The following RIPK2 variants were observed in gnomAD, a reference collection of about 807,000 sequenced individuals.
The protein encoded by RIPK2 is receptor-interacting serine/threonine-protein kinase 2.
RIPK2 carries 38 observed loss-of-function variants against 60.9 expected under a neutral mutation model. That is an observed-to-expected ratio of 0.62 (90% confidence interval 0.48 to 0.82). The LOEUF (loss-of-function observed/expected upper bound fraction) is 0.82, where lower values mean the gene tolerates loss of function less well. Ranked by LOEUF, RIPK2 falls within the 40% of genes least tolerant of loss-of-function variation. The probability of loss-of-function intolerance (pLI) is 0.00; values close to 1 mark genes in which losing one functional copy is unlikely to be tolerated. For missense variants in RIPK2, 518 were observed against 647.0 expected (o/e 0.80, Z 2.16); for synonymous variants, 225 against 223.4 (o/e 1.01, Z -0.06).
At chr8:89,789,936 C>T (rs1809648660) in intron 10 of RIPK2, 143 bp from the exon 11 acceptor site, 1 of 580,730 alleles carries the variant, frequency 1.7e-6, no homozygotes, top group African/African-American at 1.9e-5. Context: ...AAAATGACAC[C>T]ATTCCCCAAA....
chr8:89,780,031 T>TA (rs1809472233), intron 6 of RIPK2, 44 bp from the exon 7 acceptor site: 1 of 965,218 alleles, frequency 1.0e-6, no homozygotes. Context: ...CTTTAATACT[T>TA]AGAAGCAATC....
At chr8:89,765,549 T>C in intron 3 of RIPK2, 53 bp downstream of exon 3, 1 of 1,246,526 alleles carries the variant, frequency 8.0e-7, no homozygotes, top group Non-Finnish European at 1.1e-6. Context: ...GTTTTAAAAA[T>C]ACTTTTTAGT....
chr8:89,776,552 C>T (rs2130568078), intron 6 of RIPK2, among the ~76,000 whole-genome samples: 1 of 152,314 alleles, frequency 6.6e-6, no homozygotes, highest in African/African-American at 2.4e-5. Context: ...GATAAATCCA[C>T]TATATACTTG....
chr8:89,780,897 C>T (rs1024398060), intron 7 of RIPK2: 3 of 149,916 alleles, frequency 2.0e-5, no homozygotes, highest in African/African-American at 7.4e-5. Flanking sequence ...AATACTCAGT[C>T]TGATTCTTGT....
chr8:89,772,774 T>C lies in RIPK2; in HGVS notation c.799T>C (p.Ser267Pro), dbSNP rs1428536421. Reference protein sequence around the residue: ...YDIPHRARMISLIESGWAQNP... With the variant: ...YDIPHRARMIPLIESGWAQNP... ...TATACCTCACCGAGCACGTATGATC[T>C]CTCTAATAGAAAGTGGATGGGCACA... The change falls in exon 6 of 11, where the codon TCT becomes CCT. Residue 267 changes from serine to proline, a missense_variant. Transcript: ENST00000220751. The C allele has an allele frequency of 6.2e-7, 1 of 1,610,978 alleles. No homozygotes were observed. The highest frequency in any genetic ancestry group is 8.5e-7 in the Non-Finnish European group (1 of 1,178,400).
chr8:89,784,630 T>C (rs920690143), intron 8 of RIPK2, among the ~76,000 whole-genome samples: 2 of 152,200 alleles, frequency 1.3e-5, no homozygotes, highest in Non-Finnish European at 2.9e-5. Flanking sequence ...AAAAGTAACA[T>C]AGATTGAGCA....
chr8:89,762,189 A>G (rs1425428414), intron 1 of RIPK2, among the ~76,000 whole-genome samples: 1 of 152,098 alleles, frequency 6.6e-6, no homozygotes, highest in African/African-American at 2.4e-5. Flanking sequence ...TAGAAAAAAA[A>G]ATAGTTAAAT....
intron 6 of RIPK2, among the ~76,000 whole-genome samples, chr8:89,777,354 T>C (rs923732896): frequency 6.6e-6 from 1 of 152,174 alleles, no homozygotes; most frequent in African/African-American, 2.4e-5. Context: ...AACAGAGATA[T>C]ATACCCTTCC....
intron 9 of RIPK2, among the ~76,000 whole-genome samples, chr8:89,787,883 A>C (rs1033297409): frequency 1.3e-5 from 2 of 152,172 alleles, no homozygotes; most frequent in African/African-American, 4.8e-5. Flanking sequence ...AAGAACCGAT[A>C]CAGAATGAAA....
intron 4 of RIPK2, among the ~76,000 whole-genome samples, chr8:89,770,988 T>C (rs76406545): frequency 0.059 from 8,943 of 151,916 alleles, 450 homozygotes; most frequent in East Asian, 0.25. Context: ...GAGATCATGT[T>C]CTACCCAACA....
intron 3 of RIPK2, among the ~76,000 whole-genome samples, chr8:89,765,737 T>C (rs917419637): frequency 1.3e-5 from 2 of 151,786 alleles, no homozygotes; most frequent in East Asian, 1.9e-4. Context: ...TGTTTCTTAA[T>C]TGAATTGTCA....
chr8:89,779,432 A>G (rs1218553433), intron 6 of RIPK2, among the ~76,000 whole-genome samples: 3 of 145,672 alleles, frequency 2.1e-5, no homozygotes, highest in Non-Finnish European at 3.0e-5. Flanking sequence ...CTTCTGCCTC[A>G]GCCTCCCGAG....
At chr8:89,768,951 G>C (rs142921038) in intron 3 of RIPK2, among the ~76,000 whole-genome samples, 3 of 151,652 alleles carry the variant, frequency 2.0e-5, no homozygotes, top group Non-Finnish European at 3.0e-5. Flanking sequence ...AGTAATTTCA[G>C]TGTCTTTTAG....
At chr8:89,779,500 T>C (rs1185079268) in intron 6 of RIPK2, among the ~76,000 whole-genome samples, 1 of 151,960 alleles carries the variant, frequency 6.6e-6, no homozygotes, top group African/African-American at 2.4e-5. Flanking sequence ...TTTTGTATTT[T>C]TAGTAGAGAC....
Position 89,758,074 on chromosome 8 carries a change from C to A in RIPK2, c.14C>A (p.Ala5Asp), listed in dbSNP as rs1189884580. Residue 5 changes from alanine (A) to aspartate (D), a missense_variant, in exon 1 of 11, where the codon GCC (alanine) becomes GAC (aspartate). Ala to Asp is a moderately radical substitution (Grantham distance 126, BLOSUM62 -2). Coordinates refer to ENST00000220751, the MANE Select transcript of RIPK2 (RefSeq NM_003821.6). MNGE[A>D]ICSALPTIPY... ...GCGCCCGGGACCATGAACGGGGAGG[C>A]CATCTGCAGCGCCCTGCCCACCATT... is the stretch of plus-strand genomic sequence containing the variant. 1 of 1,601,280 alleles carries A rather than the reference C, an allele frequency of 6.2e-7. No homozygotes were observed. The highest frequency in any genetic ancestry group is 8.5e-7 in the Non-Finnish European group (1 of 1,174,206).
At position 89,786,621 on chromosome 8, in the gene RIPK2, A is replaced by G. The variant is rs1228906396; in HGVS notation, c.1058A>G (p.Glu353Gly). 2 of 1,600,184 alleles carry G rather than the reference A, an allele frequency of 1.2e-6. No homozygotes were observed. The highest frequency in any genetic ancestry group is 1.7e-6 in the Non-Finnish European group (2 of 1,169,642). Reference sequence around the variant, plus strand: ...TCATGTGGATCCTCTCAGCTCCATGAAAATAGTGGTTCTCCTGAAACTTCA... The same window carrying G: ...TCATGTGGATCCTCTCAGCTCCATGGAAATAGTGGTTCTCCTGAAACTTCA... Reference protein sequence around the residue: ...EESCGSSQLHENSGSPETSRS... With the variant: ...EESCGSSQLHGNSGSPETSRS... The change falls in exon 9 of 11, where the codon GAA (glutamate) becomes GGA (glycine). Residue 353 changes from glutamate to glycine, a missense_variant. Physicochemically the swap from Glu to Gly is moderately conservative, Grantham distance 98. This residue lies in a region of RIPK2 where 448 missense variants were observed against 534.7 expected (regional missense o/e 0.84). Coordinates refer to ENST00000220751, the MANE Select transcript of RIPK2 (RefSeq NM_003821.6).
chr8:89,780,962 T>A (rs1809489410), intron 7 of RIPK2, among the ~76,000 whole-genome samples: 1 of 151,532 alleles, frequency 6.6e-6, no homozygotes, highest in Non-Finnish European at 1.5e-5. Context: ...TTTTTTAATA[T>A]TACTCAAAAT....
At chr8:89,760,524 A>T (rs1300796455) in intron 1 of RIPK2, among the ~76,000 whole-genome samples, 2 of 152,238 alleles carry the variant, frequency 1.3e-5, no homozygotes, top group African/African-American at 4.8e-5. Context: ...CCACTCACTC[A>T]ATCTTGCCAA....
intron 6 of RIPK2, among the ~76,000 whole-genome samples, chr8:89,774,464 C>T (rs1377331200): frequency 1.3e-5 from 2 of 152,094 alleles, no homozygotes; most frequent in Admixed American, 1.3e-4. Flanking sequence ...ATGATGCTGC[C>T]ACTTTGGAAA....
Sources: gnomAD v4.1 joint callset for allele counts (sites outside exome capture counted in the v4.1 genomes callset) on GRCh38, gnomAD v4.1.1 for gene constraint, gnomAD v4.1.1 regional missense constraint, MANE v1.5 for transcripts, NCBI Gene and HGNC (gene_info 2026-07-23, HGNC 2026-07-21) for gene names.